RNF24: variants seen among roughly 807,000 people sequenced by gnomAD.
RNF24 encodes ring finger protein 24.
In RNF24, 14 loss-of-function variants were observed where a neutral mutation model predicts 20.0. The observed-to-expected ratio is 0.70, with a 90% CI of 0.46 to 1.10. The LOEUF is 1.10. RNF24 is among the 50% of genes least tolerant of loss of function. The pLI is 0.00. For missense variants in RNF24, 124 were observed against 177.6 expected, an observed-to-expected ratio of 0.70 and a Z score of 1.71; for synonymous variants, 45 against 61.1, an observed-to-expected ratio of 0.74 and a Z score of 1.23.
At chr20:4,003,129 C>T (rs1021136819) in intron 1 of RNF24, among the ~76,000 whole-genome samples, 1 of 152,072 alleles carries the variant, frequency 6.6e-6, no homozygotes, top group African/African-American at 2.4e-5. Context: ...GCCACGGCGC[C>T]CGGCTAATTT....
intron 2 of RNF24, among the ~76,000 whole-genome samples, chr20:3,953,318 A>AT (rs1300210547): frequency 7.3e-5 from 11 of 150,712 alleles, no homozygotes; most frequent in Admixed American, 1.3e-4. Context: ...CGCCCGGCTA[A>AT]TTTTTTTTGT....
At position 3,933,003 on chromosome 20, in the gene RNF24, C is replaced by G. The variant is rs1336164423; in HGVS notation, c.*1060G>C. 2.5e-6 allele frequency: 1 copy of G among 397,640 alleles called. No individual in the cohort carries two copies. The highest frequency in any genetic ancestry group is 4.4e-6 in the Non-Finnish European group (1 of 225,964). 24.6% of individuals were successfully genotyped at this position (397,640 alleles called of 1,614,324 possible). ...CTATCTACAATTCCAAGTGGATCAC[C>G]AGCTTCAGAATTACACAGGGATCTT... On this transcript the variant is annotated 3_prime_UTR_variant, in exon 6 of 6. Coordinates refer to ENST00000358395, the MANE Select transcript of RNF24 (RefSeq NM_001134337.3).
rs1555803316 is a variant in RNF24 at position 4,008,376 on chromosome 20, A to ATAATATATAATATG, written c.-8+7060_-8+7061insCATATTATATATTA. Among the ~76,000 whole-genome samples the ATAATATATAATATG allele has an allele frequency of 2.6e-3, 92 of 35,534 alleles. 2 individuals are homozygous for ATAATATATAATATG. The highest frequency in any genetic ancestry group is 9.0e-3 in the African/African-American group (59 of 6,540). 23.3% of individuals were successfully genotyped at this position (35,534 alleles called of 152,430 possible). A position where few individuals can be genotyped will look rare whatever the true frequency, so the allele number is the denominator to read the frequency against. On this transcript the variant is annotated intron_variant, in intron 1 of 5. Coordinates refer to ENST00000358395, the MANE Select transcript of RNF24 (RefSeq NM_001134337.3). Reference sequence around the variant, plus strand: ...AATATGTATAATATATATATTATATATATAATATATATATTATATATGTAA... The same window carrying ATAATATATAATATG: ...AATATGTATAATATATATATTATATATAATATATAATATGTATAATATATATATTATATATGTAA...
intron 2 of RNF24, among the ~76,000 whole-genome samples, chr20:3,953,079 T>G (rs1019028824): frequency 4.6e-5 from 7 of 152,232 alleles, no homozygotes; most frequent in Non-Finnish European, 1.0e-4. Flanking sequence ...AGTGGTATTT[T>G]TTTCCTTAAA....
intron 4 of RNF24, among the ~76,000 whole-genome samples, chr20:3,944,921 C>T (rs774844045): frequency 7.2e-5 from 11 of 152,176 alleles, no homozygotes; most frequent in Non-Finnish European, 1.5e-4. Flanking sequence ...ATTCATACAG[C>T]ATGGACGGCA....
intron 4 of RNF24, among the ~76,000 whole-genome samples, chr20:3,938,088 G>T (rs1328553217): frequency 1.3e-5 from 2 of 152,148 alleles, no homozygotes; most frequent in Non-Finnish European, 2.9e-5. Context: ...GTACGTATGG[G>T]TTGTAATTTC....
chr20:3,983,418 A>G lies in RNF24; in HGVS notation c.-7-19394T>C, dbSNP rs192230802. ...TTAAACTGGTTATTTCTAGCATTTAAAAAAGCTACTTCTTTGTATATTTAT... is the reference window on the plus strand; with the variant it reads ...TTAAACTGGTTATTTCTAGCATTTAGAAAAGCTACTTCTTTGTATATTTAT... On this transcript the variant is annotated intron_variant, in intron 1 of 5. Transcript: ENST00000358395. Among the ~76,000 whole-genome samples the G allele has an allele frequency of 4.7e-4, 72 of 152,236 alleles. No homozygotes were observed. In the East Asian group the frequency reaches 0.013, roughly 28 times the overall value.
chr20:3,974,266 C>A, intron 1 of RNF24: 1 of 1,506,544 alleles, frequency 6.6e-7, no homozygotes, highest in South Asian at 1.3e-5. Context: ...CAAAAACCAA[C>A]CAAACAATAA....
At chr20:3,978,465 T>A (rs975634720) in intron 1 of RNF24, among the ~76,000 whole-genome samples, 2 of 152,202 alleles carry the variant, frequency 1.3e-5, no homozygotes, top group Non-Finnish European at 2.9e-5. Flanking sequence ...GATTTAATCA[T>A]TATACATTGT....
chr20:3,985,050 A>C (rs6107385), intron 1 of RNF24, among the ~76,000 whole-genome samples: 13 of 151,888 alleles, frequency 8.6e-5, no homozygotes, highest in South Asian at 2.1e-4. Flanking sequence ...GAACAACAAC[A>C]ACCACAACAA....
chr20:3,963,797 A>T (rs910412702), intron 2 of RNF24, 78 bp downstream of exon 2: 32 of 1,250,904 alleles, frequency 2.6e-5, no homozygotes, highest in South Asian at 4.7e-5. Context: ...ACTTCATTTT[A>T]AAAAAAATCT....
chr20:3,961,123 T>TGG (rs901980431), intron 2 of RNF24, among the ~76,000 whole-genome samples: 2 of 152,068 alleles, frequency 1.3e-5, no homozygotes, highest in Non-Finnish European at 2.9e-5. Context: ...AGGATAAGGC[T>TGG]GGGTGTGGTG....
chr20:3,934,160 A>G lies in RNF24; in HGVS notation c.350T>C (p.Leu117Pro). 6.2e-7 allele frequency: 1 copy of G among 1,602,510 alleles called. No individual in the cohort carries two copies. The highest frequency in any genetic ancestry group is 8.5e-7 in the Non-Finnish European group (1 of 1,174,294). ...KWLEVRKVCPLCNMPVLQLAQ... is the reference protein window; with the variant it reads ...KWLEVRKVCPPCNMPVLQLAQ... ...CAGCTGTAGAACTGGCATGTTGCAC[A>G]GGGGACACACTTTACGAACCTCCAG... is the stretch of plus-strand genomic sequence containing the variant. Residue 117 changes from leucine (L) to proline (P), a missense_variant, in exon 6 of 6, where the codon CTG becomes CCG. By Grantham distance (98) the Leu-to-Pro change is moderately conservative. Transcript: ENST00000358395. The surrounding 1 kb of genome is among the most constrained non-coding windows in gnomAD (Gnocchi z 4.0).
intron 1 of RNF24, among the ~76,000 whole-genome samples, chr20:3,992,378 A>C (rs1291957073): frequency 6.6e-6 from 1 of 151,942 alleles, no homozygotes; most frequent in African/African-American, 2.4e-5. Context: ...GCACTTTACC[A>C]GGCAGAATCA....
intron 3 of RNF24, among the ~76,000 whole-genome samples, chr20:3,945,938 T>A (rs1420287206): frequency 6.6e-6 from 1 of 152,188 alleles, no homozygotes; most frequent in African/African-American, 2.4e-5. Context: ...GTGTCTTACA[T>A]TCCTGAACTA....
intron 2 of RNF24, among the ~76,000 whole-genome samples, chr20:3,951,163 TAGCC>T (rs1205332167): frequency 6.6e-6 from 1 of 152,216 alleles, no homozygotes; most frequent in East Asian, 1.9e-4. Flanking sequence ...TTCACCGTGT[TAGCC>T]AGGATGGTCT....
chr20:3,963,223 C>T (rs889040856), intron 2 of RNF24, among the ~76,000 whole-genome samples: 1 of 151,886 alleles, frequency 6.6e-6, no homozygotes, highest in African/African-American at 2.4e-5. Flanking sequence ...GACAGAGTCT[C>T]GCTCTGTTGC....
chr20:4,010,806 T>C (rs758201958), intron 1 of RNF24, among the ~76,000 whole-genome samples: 14 of 152,240 alleles, frequency 9.2e-5, no homozygotes, highest in Non-Finnish European at 1.9e-4. Context: ...GCTGGCCTGA[T>C]GGCGCTGGGC....
chr20:3,988,260 G>C (rs1432934974), intron 1 of RNF24, among the ~76,000 whole-genome samples: 1 of 152,054 alleles, frequency 6.6e-6, no homozygotes, highest in East Asian at 1.9e-4. Context: ...GGAAGTCAAT[G>C]CTGCAGTGAG....
Sources: allele counts gnomAD v4.1 joint callset (sites outside exome capture counted in the v4.1 genomes callset), GRCh38; gene constraint gnomAD v4.1.1; non-coding constraint Gnocchi (gnomAD v3.1); transcripts MANE v1.5; gene names NCBI Gene and HGNC (gene_info 2026-07-23, HGNC 2026-07-21).